The following NPHS2 variants were observed in gnomAD, a reference collection of about 807,000 sequenced individuals.
The protein encoded by NPHS2 is NPHS2 stomatin family member, podocin.
NPHS2 carries 36 observed loss-of-function variants against 37.1 expected under a neutral mutation model. That is an observed-to-expected ratio of 0.97 (90% CI 0.74 to 1.28). The LOEUF (loss-of-function observed/expected upper bound fraction) is 1.28. Ranked by LOEUF, NPHS2 falls within the 50% of genes most tolerant of loss-of-function variation. NPHS2 has a pLI of 0.00. For missense variants in NPHS2, 447 were observed against 488.1 expected, an observed-to-expected ratio of 0.92 and a Z score of 0.79; for synonymous variants, 196 against 189.3, an observed-to-expected ratio of 1.04 and a Z score of -0.29.
At chr1:179,557,324 T>C in intron 4 of NPHS2, 94 bp from the exon 5 acceptor site, 1 of 996,636 alleles carries the variant, frequency 1.0e-6, no homozygotes. Context: ...GTGAATTTTC[T>C]CCGCAAGAGA....
At chr1:179,560,411 C>T (rs568187275) in intron 3 of NPHS2, among the ~76,000 whole-genome samples, 1 of 152,124 alleles carries the variant, frequency 6.6e-6, no homozygotes, top group Non-Finnish European at 1.5e-5. Context: ...ACAAGCAGCA[C>T]CTCACAGAGT....
rs1239803917 is a variant in NPHS2, at chr1:179,556,416, C to G, written c.738+611G>C. 1.3e-5 allele frequency among the ~76,000 whole-genome samples: 2 copies of G among 152,218 alleles called. No homozygotes were observed. Among genetic ancestry groups the G allele is most frequent in the African/African-American group, 4.8e-5 (2 of 41,458 alleles). On this transcript the variant is annotated intron_variant, in intron 5 of 7. Transcript: ENST00000367615. This position sits in a 1 kb window ranked among gnomAD's most constrained non-coding sequence, Gnocchi z 4.1. ...GTTGCCTACCTGCCTTGGTAAGAAT[C>G]AAAGCCACCGACCCTGGCCGTGAAT...
At chr1:179,574,121 G>T (rs1674668090) in intron 1 of NPHS2, among the ~76,000 whole-genome samples, 1 of 152,146 alleles carries the variant, frequency 6.6e-6, no homozygotes, top group Non-Finnish European at 1.5e-5. Flanking sequence ...TCCTTAGTGG[G>T]ACTGCTCGCC....
rs1321315084 is a variant in NPHS2 at position 179,551,367 on chromosome 1, G to T, written c.958C>A (p.Gln320Lys). The T allele has an allele frequency of 6.2e-7, 1 of 1,614,154 alleles. No individual in the cohort carries two copies. Among genetic ancestry groups the T allele is most frequent in the South Asian group, 1.1e-5 (1 of 91,086 alleles). The change falls in exon 8 of 8, where the codon CAG becomes AAG. Residue 320 changes from glutamine (Q) to lysine (K), a missense_variant. Coordinates refer to ENST00000367615, the MANE Select transcript of NPHS2 (RefSeq NM_014625.4). ...TGAAGGGTGTGGAGGTATCGAAGCT[G>T]AACGGCAGCAGGGGTGCCTGACAGA... ...EILSGTPAAV[Q>K]LRYLHTLQSL... is the part of the protein sequence containing the mutation.
rs1043654210 is a variant in NPHS2, at chr1:179,551,791, G to C, written c.874-340C>G. The C allele has an allele frequency of 2.3e-5, 7 of 303,722 alleles. No homozygotes were observed. In the East Asian group the frequency reaches 4.6e-4, roughly 20 times the overall value. The allele number at this position is 303,722 out of a possible 1,614,324, so 18.8% of individuals were successfully genotyped here. On this transcript the variant is annotated intron_variant, in intron 7 of 7. Coordinates refer to ENST00000367615, the MANE Select transcript of NPHS2 (RefSeq NM_014625.4). ...ATGCAAAGGCATGACGTTATGAAAG[G>C]GTGACCCCCAACTCAGGGAAAGTGA... is the stretch of plus-strand genomic sequence containing the variant.
intron 4 of NPHS2, 51 bp downstream of exon 4, chr1:179,559,628 G>A: frequency 8.7e-7 from 1 of 1,156,000 alleles, no homozygotes; most frequent in Non-Finnish European, 1.3e-6. Context: ...GTCCACGGTA[G>A]GTAGACCATG....
chr1:179,571,272 G>A (rs1050333806), intron 1 of NPHS2, among the ~76,000 whole-genome samples: 4 of 152,212 alleles, frequency 2.6e-5, no homozygotes, highest in Non-Finnish European at 5.9e-5. Context: ...TTTTGTTGAT[G>A]TTGATGCTAT....
In NPHS2 at chr1:179,564,220, T is replaced by C. The variant is rs148050072; in HGVS notation, c.378+470A>G. On this transcript the variant is annotated intron_variant, in intron 2 of 7. Coordinates refer to ENST00000367615, the MANE Select transcript of NPHS2 (RefSeq NM_014625.4). ...CCCAATAAATCTCTTGCTCCTCTAA[T>C]TCCATCTTGGCATGTGCTTCCAGAA... is the stretch of plus-strand genomic sequence containing the variant. Among the ~76,000 whole-genome samples the C allele has an allele frequency of 2.4e-3, 372 of 152,346 alleles. 1 individual carries two copies. Among genetic ancestry groups the C allele is most frequent in the African/African-American group, 8.7e-3 (361 of 41,596 alleles).
intron 4 of NPHS2, among the ~76,000 whole-genome samples, chr1:179,559,472 GAT>G (rs1379499953): frequency 4.6e-5 from 7 of 152,102 alleles, no homozygotes; most frequent in Admixed American, 4.6e-4. Flanking sequence ...CCCTTTATGA[GAT>G]ATGATTTGCA....
intron 4 of NPHS2, among the ~76,000 whole-genome samples, chr1:179,558,190 T>A (rs1275200683): frequency 6.6e-6 from 1 of 152,066 alleles, no homozygotes; most frequent in Non-Finnish European, 1.5e-5. Context: ...AACTCTTTCA[T>A]CTTGTAAAAC....
In NPHS2 at chr1:179,551,433, C is replaced by A; in HGVS notation, c.892G>T (p.Glu298Ter). 1.2e-6 allele frequency: 2 copies of A among 1,613,574 alleles called. No individual in the cohort carries two copies. Among genetic ancestry groups the A allele is most frequent in the Non-Finnish European group, 1.7e-6 (2 of 1,180,016 alleles). The change falls in exon 8 of 8, where the codon GAA becomes TAA. Residue 298 changes from glutamate to a stop codon, truncating the protein, a stop_gained. Coordinates refer to ENST00000367615, the MANE Select transcript of NPHS2 (RefSeq NM_014625.4). LOFTEE classifies it high-confidence loss of function. ...AKVRMIAAEA[E>*]KAASESLRMA... ...CTCAGGGACTCAGAAGCAGCCTTTT[C>A]CGCTTCTGCAGCAATCATCTAGAAA... is the stretch of plus-strand genomic sequence containing the variant.
intron 4 of NPHS2, among the ~76,000 whole-genome samples, chr1:179,558,012 T>A (rs779539568): frequency 1.3e-5 from 2 of 152,148 alleles, no homozygotes; most frequent in African/African-American, 2.4e-5. Context: ...TATCAACAGT[T>A]AACTATGGGT....
chr1:179,569,286 A>G (rs1256897268), intron 1 of NPHS2, among the ~76,000 whole-genome samples: 1 of 149,636 alleles, frequency 6.7e-6, no homozygotes, highest in Non-Finnish European at 1.5e-5. Flanking sequence ...TGTTGAATTG[A>G]TCCCTTTACC....
intron 6 of NPHS2, 150 bp downstream of exon 6, chr1:179,554,326 G>A: frequency 1.2e-6 from 1 of 824,222 alleles, no homozygotes; most frequent in South Asian, 1.8e-5. Context: ...ATGGCTGTAA[G>A]ATATTAGGTG....
At chr1:179,558,885 T>C (rs1287967574) in intron 4 of NPHS2, among the ~76,000 whole-genome samples, 1 of 152,228 alleles carries the variant, frequency 6.6e-6, no homozygotes, top group Non-Finnish European at 1.5e-5. Flanking sequence ...TATATCTTCA[T>C]CTTCTTTGGA....
At chr1:179,568,180 T>C (rs1278575361) in intron 1 of NPHS2, among the ~76,000 whole-genome samples, 2 of 152,206 alleles carry the variant, frequency 1.3e-5, no homozygotes, top group African/African-American at 4.8e-5. Flanking sequence ...ATTCATCTGG[T>C]CCTGGACTTT....
intron 1 of NPHS2, among the ~76,000 whole-genome samples, chr1:179,567,509 C>A (rs1458776553): frequency 2.0e-5 from 3 of 152,182 alleles, no homozygotes; most frequent in Admixed American, 6.5e-5. Context: ...TTGTCATCTG[C>A]AAACAGGGAC....
chr1:179,553,270 A>G (rs1350927269), intron 6 of NPHS2, among the ~76,000 whole-genome samples: 1 of 152,268 alleles, frequency 6.6e-6, no homozygotes, highest in African/African-American at 2.4e-5. Flanking sequence ...CAGACCCAAG[A>G]TAATTGAAAA....
chr1:179,555,829 A>G (rs17278686), intron 5 of NPHS2, among the ~76,000 whole-genome samples: 30,845 of 152,088 alleles, frequency 0.2, 3,808 homozygotes, highest in Non-Finnish European at 0.27. Context: ...TATTTATCCA[A>G]AAAACATTAT....
Sources: gnomAD v4.1 joint callset for allele counts (sites outside exome capture counted in the v4.1 genomes callset) on GRCh38, gnomAD v4.1.1 for gene constraint, Gnocchi (gnomAD v3.1) non-coding constraint, MANE v1.5 for transcripts, NCBI Gene and HGNC (gene_info 2026-07-23, HGNC 2026-07-21) for gene names.